The following GTF2F2 variants were observed in gnomAD, a reference collection of about 807,000 sequenced individuals.
GTF2F2 encodes general transcription factor IIF subunit 2.
A neutral mutation model predicts 42.2 loss-of-function variants in GTF2F2; 23 were observed. The ratio of observed to expected loss-of-function variants is 0.55; its 90% CI spans 0.39 to 0.77. The LOEUF (loss-of-function observed/expected upper bound fraction) is 0.77, where lower values mean the gene tolerates loss of function less well. Ranked by LOEUF, GTF2F2 falls within the 30% of genes least tolerant of loss-of-function variation. The probability of loss-of-function intolerance (pLI) is 0.00; values close to 1 mark genes in which losing one functional copy is unlikely to be tolerated. For missense variants in GTF2F2, 261 were observed against 287.2 expected, an observed-to-expected ratio of 0.91 and a Z score of 0.66; for synonymous variants, 105 against 100.8, an observed-to-expected ratio of 1.04 and a Z score of -0.25.
At chr13:45,184,390 C>G (rs1872315013) in intron 4 of GTF2F2, among the ~76,000 whole-genome samples, 2 of 148,232 alleles carry the variant, frequency 1.3e-5, no homozygotes, top group African/African-American at 5.2e-5. Context: ...CTTTATTCCC[C>G]CCCGCCCTTT....
At chr13:45,194,148 A>T (rs763759913) in intron 4 of GTF2F2, 2 of 1,614,114 alleles carry the variant, frequency 1.2e-6, no homozygotes, top group Non-Finnish European at 1.7e-6. Context: ...CCAAGAAAGT[A>T]GTCTCTCTGG....
rs139798563 is a variant in GTF2F2 at position 45,259,430 on chromosome 13, A to C, written c.486+6460A>C. On this transcript the variant is annotated intron_variant, in intron 6 of 7. Transcript: ENST00000340473. ...AACAAGAGCGAAACTCCATCTCAAA[A>C]AAAACAAAACAAAACAGAAAAATAC... Among the ~76,000 whole-genome samples, 981 of 152,180 alleles carry C rather than the reference A, an allele frequency of 6.4e-3. 11 individuals are homozygous for C. The highest frequency in any genetic ancestry group is 0.023 in the African/African-American group (942 of 41,528).
chr13:45,151,762 A>G lies in GTF2F2; in HGVS notation c.235A>G (p.Arg79Gly). Reference sequence around the variant, plus strand: ...AAAACCAGCTTCAGTCAGTGCTCCTAGAGAACATCCATTTGTCTTGCAAAG... The same window carrying G: ...AAAACCAGCTTCAGTCAGTGCTCCTGGAGAACATCCATTTGTCTTGCAAAG... The part of the protein sequence containing the change: ...GGKPASVSAP[R>G]EHPFVLQSVG... The change falls in exon 4 of 8, where the codon AGA becomes GGA. Residue 79 changes from arginine (R) to glycine (G), a missense_variant. By Grantham distance (125) the Arg-to-Gly change is moderately radical. Coordinates refer to ENST00000340473, the MANE Select transcript of GTF2F2 (RefSeq NM_004128.3). 6.3e-7 allele frequency: 1 copy of G among 1,592,272 alleles called. No homozygotes were observed. Among genetic ancestry groups the G allele is most frequent in the Non-Finnish European group, 8.6e-7 (1 of 1,164,172 alleles).
intron 1 of GTF2F2, among the ~76,000 whole-genome samples, chr13:45,128,615 A>C (rs1869171940): frequency 6.6e-6 from 1 of 151,710 alleles, no homozygotes; most frequent in Non-Finnish European, 1.5e-5. Context: ...TTTTTGAGAA[A>C]GAGTCTCGCT....
chr13:45,223,991 A>T (rs1292474187), intron 5 of GTF2F2, among the ~76,000 whole-genome samples: 1 of 152,208 alleles, frequency 6.6e-6, no homozygotes, highest in Admixed American at 6.5e-5. Flanking sequence ...TAATGAATGA[A>T]TATCTTTCTA....
intron 5 of GTF2F2, among the ~76,000 whole-genome samples, chr13:45,228,794 C>T (rs1874514935): frequency 6.6e-6 from 1 of 151,710 alleles, no homozygotes; most frequent in South Asian, 2.1e-4. Context: ...CCTCATCCTC[C>T]CAAGTAGCTG....
At chr13:45,168,183 G>A (rs1477980993) in intron 4 of GTF2F2, among the ~76,000 whole-genome samples, 2 of 152,208 alleles carry the variant, frequency 1.3e-5, no homozygotes, top group African/African-American at 4.8e-5. Context: ...ACAAGTTTGG[G>A]ACAGACTCCT....
intron 5 of GTF2F2, among the ~76,000 whole-genome samples, chr13:45,247,074 G>A (rs1446212567): frequency 6.7e-6 from 1 of 150,218 alleles, no homozygotes; most frequent in Non-Finnish European, 1.5e-5. Flanking sequence ...TCTTGGCTGG[G>A]CACTGCGGCT....
chr13:45,169,304 C>A (rs780411464), intron 4 of GTF2F2, among the ~76,000 whole-genome samples: 12 of 152,118 alleles, frequency 7.9e-5, no homozygotes, highest in Non-Finnish European at 1.5e-4. Context: ...TTTGGACACT[C>A]AGGAGAGACT....
At chr13:45,216,738 C>T (rs1471197910) in intron 5 of GTF2F2, among the ~76,000 whole-genome samples, 3 of 151,844 alleles carry the variant, frequency 2.0e-5, no homozygotes, top group African/African-American at 4.8e-5. Context: ...AGGCTGCTCT[C>T]GAACTCCTGA....
chr13:45,151,954 T>G (rs1870521755), intron 4 of GTF2F2, 123 bp downstream of exon 4: 3 of 539,388 alleles, frequency 5.6e-6, no homozygotes, highest in Admixed American at 3.1e-5. Context: ...TCGCTCTTGT[T>G]GCCCAGGCTG....
Position 45,143,638 on chromosome 13 carries a change from G to A in GTF2F2, c.141-6132G>A, listed in dbSNP as rs144522403. Among the ~76,000 whole-genome samples, 152 of 152,246 alleles carry A rather than the reference G, an allele frequency of 1.0e-3. 2 individuals carry two copies. The East Asian group carries it at 0.027, about 27-fold the overall frequency. ...GCTCAGCAGCAGCTTGCTGTGTGTC[G>A]CAGGCCAGAAACTAGGAGATCTGTA... On this transcript the variant is annotated intron_variant, in intron 2 of 7. Coordinates refer to ENST00000340473, the MANE Select transcript of GTF2F2 (RefSeq NM_004128.3).
intron 5 of GTF2F2, among the ~76,000 whole-genome samples, chr13:45,207,843 A>G (rs781311882): frequency 2.6e-5 from 4 of 152,154 alleles, no homozygotes; most frequent in African/African-American, 7.2e-5. Flanking sequence ...TAATTTTTCC[A>G]TAATAAATAT....
intron 6 of GTF2F2, chr13:45,263,575 C>G (rs1284775922): frequency 6.6e-6 from 1 of 152,116 alleles, no homozygotes; most frequent in Non-Finnish European, 1.5e-5. Flanking sequence ...ATTATGTAGT[C>G]AGGATACCTT....
At chr13:45,232,549 C>T (rs1011400736) in intron 5 of GTF2F2, among the ~76,000 whole-genome samples, 3 of 152,052 alleles carry the variant, frequency 2.0e-5, no homozygotes, top group African/African-American at 2.4e-5. Flanking sequence ...GCAGGAGGAT[C>T]GCTTGAGTCC....
chr13:45,172,269 T>C (rs1198485050), intron 4 of GTF2F2, among the ~76,000 whole-genome samples: 1 of 152,222 alleles, frequency 6.6e-6, no homozygotes, highest in Non-Finnish European at 1.5e-5. Flanking sequence ...TGGTTTTGAC[T>C]TGTATTTCTC....
intron 4 of GTF2F2, among the ~76,000 whole-genome samples, chr13:45,176,705 T>C (rs779247824): frequency 6.6e-6 from 1 of 152,178 alleles, no homozygotes; most frequent in Non-Finnish European, 1.5e-5. Context: ...GTTATTTTCC[T>C]CTGTCATCTT....
At chr13:45,164,701 C>G (rs1244484447) in intron 4 of GTF2F2, among the ~76,000 whole-genome samples, 1 of 152,090 alleles carries the variant, frequency 6.6e-6, no homozygotes, top group Non-Finnish European at 1.5e-5. Flanking sequence ...ACTCCAGTGT[C>G]AGTGACAGAG....
At chr13:45,198,104 G>A (rs1872993541) in intron 4 of GTF2F2, among the ~76,000 whole-genome samples, 1 of 152,180 alleles carries the variant, frequency 6.6e-6, no homozygotes, top group Admixed American at 6.5e-5. Flanking sequence ...AATTTAAACT[G>A]GTCCTTAGTA....
Sources: allele counts gnomAD v4.1 joint callset (sites outside exome capture counted in the v4.1 genomes callset), GRCh38; gene constraint gnomAD v4.1.1; transcripts MANE v1.5; gene names NCBI Gene and HGNC (gene_info 2026-07-23, HGNC 2026-07-21).